MTMR7: variants seen among roughly 807,000 people sequenced by gnomAD.
The protein encoded by MTMR7 is myotubularin related protein 7, also known as phosphatidylinositol-3-phosphate phosphatase MTMR7.
Under a neutral mutation model 81.2 loss-of-function variants are expected in MTMR7, and 76 were observed. That is an observed-to-expected ratio of 0.94 (90% CI 0.78 to 1.13). The LOEUF (loss-of-function observed/expected upper bound fraction) is 1.13, where lower values mean the gene tolerates loss of function less well. MTMR7 is among the 50% of genes most tolerant of loss of function. MTMR7 has a pLI of 0.00. For missense variants in MTMR7, 1,044 were observed against 820.0 expected, an observed-to-expected ratio of 1.27 and a Z score of -3.34; for synonymous variants, 372 against 289.8, an observed-to-expected ratio of 1.28 and a Z score of -2.88.
intron 2 of MTMR7, 157 bp downstream of exon 2, chr8:17,372,961 G>T: frequency 1.3e-6 from 1 of 790,248 alleles, no homozygotes; most frequent in Non-Finnish European, 2.0e-6. Context: ...AGATACGACT[G>T]CACAGAAAAA....
Position 17,300,225 on chromosome 8 carries a change from C to T in MTMR7, c.1621-1G>A. 1 of 1,596,128 alleles carries T rather than the reference C, an allele frequency of 6.3e-7. No homozygotes were observed. Among genetic ancestry groups the T allele is most frequent in the Non-Finnish European group, 8.5e-7 (1 of 1,171,616 alleles). The stretch of plus-strand genomic sequence containing the variant: ...GGACCTTTTGAATTTTTTCCAGCCT[C>T]TAAGAAAGAAATAACAATTTCAGGG... On this transcript the variant is annotated splice_acceptor_variant, in intron 13 of 13. Transcript: ENST00000180173. LOFTEE classifies it high-confidence loss of function.
At chr8:17,393,452 G>A (rs948145139) in intron 1 of MTMR7, among the ~76,000 whole-genome samples, 4 of 152,112 alleles carry the variant, frequency 2.6e-5, no homozygotes, top group Non-Finnish European at 5.9e-5. Context: ...CAGAATGAAA[G>A]AAAATATTTG....
intron 7 of MTMR7, chr8:17,326,210 T>C (rs994621794): frequency 3.3e-5 from 5 of 152,114 alleles, no homozygotes; most frequent in Admixed American, 2.0e-4. Flanking sequence ...TCACAGTAAG[T>C]AGGTAAAAAT....
chr8:17,403,846 T>C (rs1252170987), intron 1 of MTMR7, among the ~76,000 whole-genome samples: 1 of 152,208 alleles, frequency 6.6e-6, no homozygotes, highest in Non-Finnish European at 1.5e-5. Context: ...ATAAATAGGA[T>C]TGGTCTCTTG....
chr8:17,374,351 G>A (rs1046085528), intron 1 of MTMR7, among the ~76,000 whole-genome samples: 3 of 151,904 alleles, frequency 2.0e-5, no homozygotes, highest in East Asian at 3.9e-4. Flanking sequence ...GGCCGGGAGC[G>A]GTGGCTCACG....
chr8:17,311,263 C>G (rs1232808967), intron 9 of MTMR7, among the ~76,000 whole-genome samples: 2 of 152,068 alleles, frequency 1.3e-5, no homozygotes, highest in East Asian at 1.9e-4. Flanking sequence ...TATATTTGCC[C>G]CAAAACTCAT....
chr8:17,304,175 A>G (rs1007596311), intron 12 of MTMR7, among the ~76,000 whole-genome samples: 1 of 152,198 alleles, frequency 6.6e-6, no homozygotes, highest in Non-Finnish European at 1.5e-5. Context: ...CTCCTGAAGA[A>G]AATTCCACAT....
At chr8:17,314,300 C>G (rs1290350232) in intron 7 of MTMR7, among the ~76,000 whole-genome samples, 3 of 152,094 alleles carry the variant, frequency 2.0e-5, no homozygotes, top group Non-Finnish European at 4.4e-5. Context: ...TTATTGTTCT[C>G]TGTGATGCAG....
In MTMR7 at chr8:17,348,956, GTTATCT is replaced by G. The variant is rs1819643458; in HGVS notation, c.588_593del (p.Lys196_Asp197del). ...AAAAACACGCCTCGAGACTTACGTG[GTTATCT>G]TTATAATAGTAAGAAAGGACAGGAA... On this transcript the variant is annotated inframe_deletion, in exon 5 of 14. Coordinates refer to ENST00000180173, the MANE Select transcript of MTMR7 (RefSeq NM_004686.5). 13 of 1,613,604 alleles carry G rather than the reference GTTATCT, an allele frequency of 8.1e-6. No individual in the cohort carries two copies. The highest frequency in any genetic ancestry group is 1.1e-5 in the Non-Finnish European group (13 of 1,179,948).
chr8:17,401,501 G>A (rs1237417056), intron 1 of MTMR7, among the ~76,000 whole-genome samples: 1 of 152,082 alleles, frequency 6.6e-6, no homozygotes, highest in African/African-American at 2.4e-5. Flanking sequence ...ACCCACGAAA[G>A]AAGTCCAAGC....
At chr8:17,395,681 G>A (rs1343881743) in intron 1 of MTMR7, among the ~76,000 whole-genome samples, 2 of 152,184 alleles carry the variant, frequency 1.3e-5, no homozygotes, top group East Asian at 3.8e-4. Flanking sequence ...GGCTGGTGAT[G>A]TTGGCTATCT....
At chr8:17,328,415 G>A (rs994649720) in intron 7 of MTMR7, among the ~76,000 whole-genome samples, 1 of 152,154 alleles carries the variant, frequency 6.6e-6, no homozygotes, top group Non-Finnish European at 1.5e-5. Flanking sequence ...TCTACGGACT[G>A]TTTTAATGGA....
chr8:17,352,748 T>C (rs1199657605), intron 4 of MTMR7, among the ~76,000 whole-genome samples: 1 of 152,134 alleles, frequency 6.6e-6, no homozygotes, highest in Admixed American at 6.6e-5. Context: ...AACTCACAAT[T>C]GTTAGGATGG....
chr8:17,374,094 C>G (rs972584958), intron 1 of MTMR7, among the ~76,000 whole-genome samples: 2 of 152,230 alleles, frequency 1.3e-5, no homozygotes, highest in African/African-American at 4.8e-5. Flanking sequence ...GATCAACCAC[C>G]TGCAGAGAAA....
intron 1 of MTMR7, among the ~76,000 whole-genome samples, chr8:17,378,472 C>T (rs73666129): frequency 0.056 from 8,480 of 152,148 alleles, 820 homozygotes; most frequent in African/African-American, 0.19. Flanking sequence ...TACTGTTGGG[C>T]TAACTTAATT....
Position 17,385,347 on chromosome 8 carries a change from C to T in MTMR7, c.25-12107G>A, listed in dbSNP as rs151151179. Among the ~76,000 whole-genome samples, 893 of 152,176 alleles carry T rather than the reference C, an allele frequency of 5.9e-3. 12 individuals are homozygous for T. The highest frequency in any genetic ancestry group is 0.02 in the African/African-American group (850 of 41,510). On this transcript the variant is annotated intron_variant, in intron 1 of 13. Transcript: ENST00000180173. ...ATCTTCAATTGTAGCTCTCCCAATC[C>T]CCGCATGCCGTGGGAGGGACCTGGT... is the stretch of plus-strand genomic sequence containing the variant.
intron 1 of MTMR7, among the ~76,000 whole-genome samples, chr8:17,403,962 T>G (rs1399438985): frequency 6.6e-5 from 10 of 152,148 alleles, no homozygotes; most frequent in African/African-American, 1.7e-4. Flanking sequence ...AGTTCCAATC[T>G]TTTTTTGGTG....
At chr8:17,394,347 G>C (rs1210514931) in intron 1 of MTMR7, among the ~76,000 whole-genome samples, 1 of 152,226 alleles carries the variant, frequency 6.6e-6, no homozygotes, top group Non-Finnish European at 1.5e-5. Context: ...CCATGCAATG[G>C]AATATTATTC....
chr8:17,310,227 T>C (rs192677162), intron 9 of MTMR7, among the ~76,000 whole-genome samples: 8 of 152,076 alleles, frequency 5.3e-5, no homozygotes, highest in African/African-American at 1.7e-4. Context: ...TCTCAAACTC[T>C]GGGGCTCCAG....
Sources: gnomAD v4.1 joint callset for allele counts (sites outside exome capture counted in the v4.1 genomes callset) on GRCh38, gnomAD v4.1.1 for gene constraint, MANE v1.5 for transcripts, NCBI Gene and HGNC (gene_info 2026-07-23, HGNC 2026-07-21) for gene names.